Variants in AHDC1 observed in about 807,000 individuals in gnomAD.
AHDC1 encodes AT-hook DNA binding motif containing 1.
Under a neutral mutation model 87.9 loss-of-function variants are expected in AHDC1, and 7 were observed. The observed-to-expected ratio is 0.08, with a 90% CI of 0.05 to 0.15. AHDC1 has a LOEUF of 0.15. AHDC1 is among the 10% of genes least tolerant of loss of function. The pLI, the probability that AHDC1 is intolerant of heterozygous loss-of-function variation, is 1.00. For missense variants in AHDC1, 1,841 were observed against 2,253.2 expected, an observed-to-expected ratio of 0.82 and a Z score of 3.70; for synonymous variants, 1,051 against 1,006.8, an observed-to-expected ratio of 1.04 and a Z score of -0.83.
chr1:27,562,110 G>C lies in AHDC1; in HGVS notation c.-628-3227C>G, dbSNP rs894301573. ...CTGAGAAAGAGGCAGCGAAGCAGAGGCAGGGTGGGCCGGGGAGAAGGGCCG... is the reference window on the plus strand; with the variant it reads ...CTGAGAAAGAGGCAGCGAAGCAGAGCCAGGGTGGGCCGGGGAGAAGGGCCG... On this transcript the variant is annotated intron_variant, in intron 3 of 8. Coordinates refer to ENST00000673934, the MANE Select transcript of AHDC1 (RefSeq NM_001371928.1). This position sits in a 1 kb window ranked among gnomAD's most constrained non-coding sequence, Gnocchi z 4.4. Among the ~76,000 whole-genome samples, 2 of 152,128 alleles carry C rather than the reference G, an allele frequency of 1.3e-5. No individual in the cohort carries two copies. Among genetic ancestry groups the C allele is most frequent in the Non-Finnish European group, 2.9e-5 (2 of 68,010 alleles).
Position 27,538,117 on chromosome 1 carries a change from T to C in AHDC1, c.*44-3201A>G, listed in dbSNP as rs1183863207. 3.9e-5 allele frequency among the ~76,000 whole-genome samples: 6 copies of C among 151,962 alleles called. 1 individual carries two copies. Among genetic ancestry groups the C allele is most frequent in the Admixed American group, 3.3e-4 (5 of 15,256 alleles). On this transcript the variant is annotated intron_variant, in intron 8 of 8. Coordinates refer to ENST00000673934, the MANE Select transcript of AHDC1 (RefSeq NM_001371928.1). ...AGAGCAGAAGGCAAAAAAGAGTGCA[T>C]GAGGCCGGGCAGGGTGACTCACGCC...
Position 27,549,490 on chromosome 1 carries a change from T to C in AHDC1, c.2626A>G (p.Thr876Ala), listed in dbSNP as rs374468373. The C allele has an allele frequency of 6.2e-7, 1 of 1,613,022 alleles. No homozygotes were observed. The highest frequency in any genetic ancestry group is 8.5e-7 in the Non-Finnish European group (1 of 1,179,922). The stretch of plus-strand genomic sequence containing the variant: ...CCCCGCTGGGCAGGCAGGGCACTGG[T>C]GGGTGGCCCTGCATAGGTGCCCGAT... ...KASGTYAGPP[T>A]SALPAQRGLA... The change falls in exon 8 of 9, where the codon ACC becomes GCC. Residue 876 changes from threonine (T) to alanine (A), a missense_variant. Around this residue, in one of 13 missense-constraint regions of AHDC1, gnomAD observed 378 missense variants for 399.0 expected, o/e 0.95. Transcript: ENST00000673934.
chr1:27,567,721 T>C (rs2020386102), intron 3 of AHDC1, among the ~76,000 whole-genome samples: 1 of 152,170 alleles, frequency 6.6e-6, no homozygotes. Context: ...CCCAAATCAC[T>C]GGGCCCACAA....
rs545071283 is a variant in AHDC1 at position 27,593,939 on chromosome 1, G to A, written c.-629+9458C>T. 6.6e-6 allele frequency among the ~76,000 whole-genome samples: 1 copy of A among 152,322 alleles called. No homozygotes were observed. Among genetic ancestry groups the A allele is most frequent in the South Asian group, 2.1e-4 (1 of 4,830 alleles). ...CTTTAGGGTCTTGGGGATCAGTGGA[G>A]CCCTTCTGTGAGCCTTCCCTCAGCA... On this transcript the variant is annotated intron_variant, in intron 3 of 8. Coordinates refer to ENST00000673934, the MANE Select transcript of AHDC1 (RefSeq NM_001371928.1). This position sits in a 1 kb window ranked among gnomAD's most constrained non-coding sequence, Gnocchi z 4.9.
intron 3 of AHDC1, among the ~76,000 whole-genome samples, chr1:27,573,583 G>T (rs529984673): frequency 6.6e-6 from 1 of 152,234 alleles, no homozygotes; most frequent in South Asian, 2.1e-4. Flanking sequence ...AAATTTGGTG[G>T]GATCCAGGCT....
Position 27,558,698 on chromosome 1 carries a change from A to G in AHDC1, c.-451+8T>C, listed in dbSNP as rs1158720856. The stretch of plus-strand genomic sequence containing the variant: ...AGGCCCAAGCCTGACTTCCCTGCAC[A>G]CTGTTACCTGAGCAGGCTGCGAAGA... On this transcript the variant is annotated splice_region_variant and intron_variant, in intron 4 of 8. Coordinates refer to ENST00000673934, the MANE Select transcript of AHDC1 (RefSeq NM_001371928.1). This position sits in a 1 kb window ranked among gnomAD's most constrained non-coding sequence, Gnocchi z 5.6. 5.0e-6 allele frequency: 2 copies of G among 398,428 alleles called. No individual in the cohort carries two copies. Among genetic ancestry groups the G allele is most frequent in the Admixed American group, 4.4e-5 (1 of 22,724 alleles). The allele number at this position is 398,428 out of a possible 1,614,324, so 24.7% of individuals were successfully genotyped here.
rs192730213 is a variant in AHDC1 at position 27,583,055 on chromosome 1, A to C, written c.-629+20342T>G. 3.7e-3 allele frequency among the ~76,000 whole-genome samples: 557 copies of C among 152,256 alleles called. 5 individuals are homozygous for C. The highest frequency in any genetic ancestry group is 2.8e-3 in the Non-Finnish European group (190 of 68,028). On this transcript the variant is annotated intron_variant, in intron 3 of 8. Coordinates refer to ENST00000673934, the MANE Select transcript of AHDC1 (RefSeq NM_001371928.1). ...TGGGATTACAGGTGCCTGCCACCAC[A>C]TGGGGTTTCACCATGTTGGCCAGGC...
chr1:27,548,399 C>T lies in AHDC1; in HGVS notation c.3717G>A (p.Val1239=), dbSNP rs774259310. ...SKPGRGRRKK[V]DLFEASHLGF... is the part of the protein sequence containing the mutation. ...CCAGATGTGAGGCCTCGAACAGGTC[C>T]ACCTTCTTCCGCCGTCCACGGCCCG... is the stretch of plus-strand genomic sequence containing the variant. Residue 1239 remains valine, a synonymous_variant, in exon 8 of 9, where the codon GTG becomes GTA. Transcript: ENST00000673934. The T allele has an allele frequency of 2.7e-5, 43 of 1,609,800 alleles. No homozygotes were observed. The highest frequency in any genetic ancestry group is 3.1e-5 in the Non-Finnish European group (37 of 1,176,798).
chr1:27,548,006 C>T lies in AHDC1; in HGVS notation c.4110G>A (p.Leu1370=). The T allele has an allele frequency of 6.2e-7, 1 of 1,608,990 alleles. No individual in the cohort carries two copies. Among genetic ancestry groups the T allele is most frequent in the South Asian group, 1.1e-5 (1 of 90,918 alleles). ...GCTTGCCATCAAGCTCGGGAGCACC[C>T]AGGCTGGGCGAGTCGCAGTGGAAGC... ...GQGFHCDSPS[L]GAPELDGKHF... The change falls in exon 8 of 9, where the codon CTG becomes CTA. Residue 1370 remains leucine, a synonymous_variant. Coordinates refer to ENST00000673934, the MANE Select transcript of AHDC1 (RefSeq NM_001371928.1).
rs989896087 is a variant in AHDC1, at chr1:27,565,321, A to C, written c.-628-6438T>G. Among the ~76,000 whole-genome samples, 1 of 151,632 alleles carries C rather than the reference A, an allele frequency of 6.6e-6. No homozygotes were observed. The highest frequency in any genetic ancestry group is 1.5e-5 in the Non-Finnish European group (1 of 67,872). On this transcript the variant is annotated intron_variant, in intron 3 of 8. Coordinates refer to ENST00000673934, the MANE Select transcript of AHDC1 (RefSeq NM_001371928.1). The surrounding 1 kb of genome is among the most constrained non-coding windows in gnomAD (Gnocchi z 4.6). ...GGTCTGCCTGACCAGGCCTCACCACACCCAGAGGTGAGGCCTGACTCCCCT... is the reference window on the plus strand; with the variant it reads ...GGTCTGCCTGACCAGGCCTCACCACCCCCAGAGGTGAGGCCTGACTCCCCT...
rs1301620838 is a variant in AHDC1, at chr1:27,595,760, A to C, written c.-629+7637T>G. On this transcript the variant is annotated intron_variant, in intron 3 of 8. Transcript: ENST00000673934. This position sits in a 1 kb window ranked among gnomAD's most constrained non-coding sequence, Gnocchi z 4.0. ...ATGTGCCACAGGCTATCGTCCGTGC[A>C]TGCACAGGTATGAGGGCTGTAACCA... Among the ~76,000 whole-genome samples, 1 of 151,980 alleles carries C rather than the reference A, an allele frequency of 6.6e-6. No individual in the cohort carries two copies. The highest frequency in any genetic ancestry group is 2.4e-5 in the African/African-American group (1 of 41,340).
chr1:27,564,992 G>A (rs944390742), intron 3 of AHDC1, among the ~76,000 whole-genome samples: 2 of 152,178 alleles, frequency 1.3e-5, no homozygotes, highest in African/African-American at 4.8e-5. Context: ...GCCACGGACA[G>A]CCTCAGAGCA....
rs1270746196 is a variant in AHDC1, at chr1:27,558,678, C to T, written c.-451+28G>A. 2 of 398,448 alleles carry T rather than the reference C, an allele frequency of 5.0e-6. No individual in the cohort carries two copies. The highest frequency in any genetic ancestry group is 8.8e-6 in the Non-Finnish European group (2 of 226,062). 24.7% of individuals were successfully genotyped at this position (398,448 alleles called of 1,614,324 possible). The stretch of plus-strand genomic sequence containing the variant: ...CCACTTCCTGGGGGTGGCCCAGGCC[C>T]AAGCCTGACTTCCCTGCACACTGTT... On this transcript the variant is annotated intron_variant, in intron 4 of 8. Coordinates refer to ENST00000673934, the MANE Select transcript of AHDC1 (RefSeq NM_001371928.1). The surrounding 1 kb of genome is among the most constrained non-coding windows in gnomAD (Gnocchi z 5.6).
intron 8 of AHDC1, among the ~76,000 whole-genome samples, chr1:27,546,856 C>CT (rs2019190603): frequency 6.6e-6 from 1 of 152,160 alleles, no homozygotes; most frequent in African/African-American, 2.4e-5. Flanking sequence ...CTGCTTCTCC[C>CT]TTCACCTGTC....
intron 3 of AHDC1, among the ~76,000 whole-genome samples, chr1:27,601,274 G>A (rs571901967): frequency 4.9e-4 from 74 of 152,390 alleles, no homozygotes; most frequent in African/African-American, 1.7e-3. Context: ...GCGGAGGAGA[G>A]CGCCCACCAG....
Position 27,547,766 on chromosome 1 carries a change from C to A in AHDC1, c.4350G>T (p.Pro1450=). The A allele has an allele frequency of 6.3e-7, 1 of 1,579,066 alleles. No homozygotes were observed. The highest frequency in any genetic ancestry group is 8.6e-7 in the Non-Finnish European group (1 of 1,160,600). The part of the protein sequence containing the change: ...AQAHLSCRDL[P]LGQPHYDSPS... ...GGGAATCGTAGTGGGGCTGGCCCAG[C>A]GGCAGGTCCCGGCAGCTCAGGTGGG... Residue 1450 remains proline (P), a synonymous_variant, in exon 8 of 9, where the codon CCG becomes CCT. Transcript: ENST00000673934. This position sits in a 1 kb window ranked among gnomAD's most constrained non-coding sequence, Gnocchi z 4.9.
rs1237406969 is a variant in AHDC1 at position 27,552,010 on chromosome 1, G to T, written c.106C>A (p.Arg36=). 14 of 1,468,288 alleles carry T rather than the reference G, an allele frequency of 9.5e-6. No homozygotes were observed. The South Asian group carries it at 1.1e-4, about 12-fold the overall frequency. The allele number at this position is 1,468,288 out of a possible 1,614,324, so 91.0% of individuals were successfully genotyped here. ...KYYPGGPPTP[R]PLLPTRPPAS... ...GGGGGCCGGGTGGGAAGCAGGGGCC[G>T]GGGGGTGGGGGGGCCGCCGGGGTAG... Residue 36 remains arginine (R), a synonymous_variant, in exon 8 of 9, where the codon CGG becomes AGG. Transcript: ENST00000673934.
At chr1:27,570,028 G>A (rs2020499145) in intron 3 of AHDC1, among the ~76,000 whole-genome samples, 1 of 152,086 alleles carries the variant, frequency 6.6e-6, no homozygotes, top group Admixed American at 6.5e-5. Flanking sequence ...AAAGGGGGCT[G>A]GAGTCCAGCC....
At chr1:27,592,569 C>G (rs759125161) in intron 3 of AHDC1, among the ~76,000 whole-genome samples, 7 of 151,748 alleles carry the variant, frequency 4.6e-5, no homozygotes, top group Non-Finnish European at 8.8e-5. Context: ...AAACATCCCC[C>G]GCCCTCCCCC....
Sources: gnomAD v4.1 joint callset for allele counts (sites outside exome capture counted in the v4.1 genomes callset) on GRCh38, gnomAD v4.1.1 for gene constraint, gnomAD v4.1.1 regional missense constraint, Gnocchi (gnomAD v3.1) non-coding constraint, MANE v1.5 for transcripts, NCBI Gene and HGNC (gene_info 2026-07-23, HGNC 2026-07-21) for gene names.